Variants in CCDC171 observed in about 807,000 individuals in gnomAD.
CCDC171 encodes the protein coiled-coil domain-containing protein 171.
CCDC171 carries 177 observed loss-of-function variants against 168.2 expected under a neutral mutation model. That is an observed-to-expected ratio of 1.05 (90% CI 0.93 to 1.19). CCDC171 has a LOEUF of 1.19. Ranked by LOEUF, CCDC171 falls within the 50% of genes most tolerant of loss-of-function variation. The pLI, the probability that CCDC171 is intolerant of heterozygous loss-of-function variation, is 0.00. For synonymous variants in CCDC171, 687 were observed against 540.8 expected (o/e 1.27, Z -3.75); for missense variants, 1,991 against 1,539.0 (o/e 1.29, Z -4.91).
intron 25 of CCDC171, among the ~76,000 whole-genome samples, chr9:15,952,939 G>A (rs1055893639): frequency 6.6e-6 from 1 of 151,952 alleles, no homozygotes; most frequent in African/African-American, 2.4e-5. Context: ...TCTTTTTGAT[G>A]CTATTTAAAT....
chr9:15,871,912 T>C (rs1278633304), intron 23 of CCDC171, among the ~76,000 whole-genome samples: 6 of 152,014 alleles, frequency 3.9e-5, no homozygotes, highest in Non-Finnish European at 8.8e-5. Context: ...CTCCCTTTAC[T>C]CATTAAAATA....
At chr9:15,800,054 G>A (rs1231168449) in intron 21 of CCDC171, among the ~76,000 whole-genome samples, 1 of 152,058 alleles carries the variant, frequency 6.6e-6, no homozygotes, top group East Asian at 1.9e-4. Flanking sequence ...CTTGGCTATT[G>A]TGAACAGAGC....
rs185667520 is a variant in CCDC171 at position 15,869,235 on chromosome 9, T to G, written c.3469-5297T>G. 1.8e-3 allele frequency among the ~76,000 whole-genome samples: 277 copies of G among 152,068 alleles called. 2 individuals are homozygous for G. Among genetic ancestry groups the G allele is most frequent in the African/African-American group, 6.2e-3 (257 of 41,518 alleles). On this transcript the variant is annotated intron_variant, in intron 23 of 25. Coordinates refer to ENST00000380701, the MANE Select transcript of CCDC171 (RefSeq NM_173550.4). ...TGTATTATTACTAATAGAAGTAGTA[T>G]TATTATCTGTCTGTCCATTTGATTA...
At chr9:15,705,535 A>T (rs538218265) in intron 11 of CCDC171, among the ~76,000 whole-genome samples, 3 of 152,162 alleles carry the variant, frequency 2.0e-5, no homozygotes, top group Non-Finnish European at 4.4e-5. Context: ...CTACCCAGAA[A>T]GCTTTTTACC....
chr9:15,810,986 G>T (rs1588645145), intron 21 of CCDC171, among the ~76,000 whole-genome samples: 1 of 152,246 alleles, frequency 6.6e-6, no homozygotes. Context: ...GTGCTCACTA[G>T]TTTCATGTGG....
chr9:15,903,994 C>G (rs1385862827), intron 24 of CCDC171, among the ~76,000 whole-genome samples: 1 of 151,966 alleles, frequency 6.6e-6, no homozygotes, highest in African/African-American at 2.4e-5. Context: ...TGAAAAGAAA[C>G]AAACAAAGCC....
intron 23 of CCDC171, among the ~76,000 whole-genome samples, chr9:15,869,624 T>C (rs1476020251): frequency 1.3e-5 from 2 of 151,620 alleles, no homozygotes; most frequent in African/African-American, 4.8e-5. Flanking sequence ...CCAGTATGCC[T>C]TTTCTACTTG....
chr9:15,747,525 C>T (rs897063515), intron 18 of CCDC171, among the ~76,000 whole-genome samples: 2 of 152,140 alleles, frequency 1.3e-5, no homozygotes, highest in African/African-American at 4.8e-5. Flanking sequence ...TGGCAGGTGC[C>T]CCTCTGGGAC....
At chr9:16,106,722 A>G in the CCDC171 span, among the ~76,000 whole-genome samples, 1 of 152,170 alleles carries the variant, frequency 6.6e-6, no homozygotes, top group African/African-American at 2.4e-5. Context: ...ATGGCTTATC[A>G]TTTGTATCTC....
chr9:15,663,568 C>T (rs1236795025), intron 8 of CCDC171, among the ~76,000 whole-genome samples: 2 of 151,624 alleles, frequency 1.3e-5, no homozygotes, highest in Non-Finnish European at 2.9e-5. Context: ...TGTTCTTGAA[C>T]ACTATGTGGA....
intron 25 of CCDC171, among the ~76,000 whole-genome samples, chr9:15,951,154 G>A (rs1829110490): frequency 6.6e-6 from 1 of 150,490 alleles, no homozygotes; most frequent in African/African-American, 2.4e-5. Flanking sequence ...AAGAGACTTA[G>A]ACTCCTACAC....
chr9:15,705,207 C>G (rs898777038), intron 11 of CCDC171, among the ~76,000 whole-genome samples: 5 of 151,752 alleles, frequency 3.3e-5, no homozygotes, highest in African/African-American at 4.8e-5. Flanking sequence ...ATATGGATAT[C>G]AAGTAATGAA....
chr9:15,581,822 A>G (rs1037361564), intron 4 of CCDC171, among the ~76,000 whole-genome samples: 1 of 152,162 alleles, frequency 6.6e-6, no homozygotes, highest in Admixed American at 6.5e-5. Flanking sequence ...TAAAGCCATA[A>G]AAACCCTAGT....
At chr9:15,856,669 G>A (rs1267735095) in intron 23 of CCDC171, among the ~76,000 whole-genome samples, 1 of 152,018 alleles carries the variant, frequency 6.6e-6, no homozygotes, top group Non-Finnish European at 1.5e-5. Context: ...GTGAACTTGG[G>A]AGTGTATATA....
intron 25 of CCDC171, among the ~76,000 whole-genome samples, chr9:15,968,813 A>T (rs1831064912): frequency 6.6e-6 from 1 of 152,178 alleles, no homozygotes; most frequent in South Asian, 2.1e-4. Flanking sequence ...TGCTGGGATT[A>T]CAAGTGTGAG....
chr9:16,090,699 T>C, the CCDC171 span, among the ~76,000 whole-genome samples: 3,867 of 152,284 alleles, frequency 0.025, 155 homozygotes, highest in African/African-American at 0.087. Context: ...TTTTAAAAAT[T>C]AGTCATTCCA....
At chr9:15,687,699 A>G (rs1408563122) in intron 10 of CCDC171, among the ~76,000 whole-genome samples, 1 of 152,222 alleles carries the variant, frequency 6.6e-6, no homozygotes, top group Non-Finnish European at 1.5e-5. Context: ...AGGGGGATAT[A>G]ACTACTGACC....
intron 21 of CCDC171, among the ~76,000 whole-genome samples, chr9:15,800,344 A>G (rs10810451): frequency 3.4e-3 from 510 of 151,982 alleles, no homozygotes; most frequent in African/African-American, 0.011. Context: ...TAATTTTGAT[A>G]TGCATTTCTC....
intron 1 of CCDC171, among the ~76,000 whole-genome samples, chr9:16,058,588 G>T (rs1403458344): frequency 6.6e-6 from 1 of 152,188 alleles, no homozygotes; most frequent in Non-Finnish European, 1.5e-5. Flanking sequence ...GTGTATTTCA[G>T]GAGTTACCGA....
Sources: gnomAD v4.1 joint callset for allele counts (sites outside exome capture counted in the v4.1 genomes callset) on GRCh38, gnomAD v4.1.1 for gene constraint, MANE v1.5 for transcripts, NCBI Gene and HGNC (gene_info 2026-07-23, HGNC 2026-07-21) for gene names.